CNTN5: variants seen among roughly 807,000 people sequenced by gnomAD.
The protein encoded by CNTN5 is contactin 5, also known as contactin-5.
Under a neutral mutation model 129.1 loss-of-function variants are expected in CNTN5, and 77 were observed. The ratio of observed to expected loss-of-function variants is 0.60; its 90% CI spans 0.50 to 0.72. The LOEUF is 0.72. Ranked by LOEUF, CNTN5 falls within the 30% of genes least tolerant of loss-of-function variation. The probability of loss-of-function intolerance (pLI) is 0.00; values close to 1 mark genes in which losing one functional copy is unlikely to be tolerated. For synonymous variants in CNTN5, 509 were observed against 465.6 expected (o/e 1.09, Z -1.20); for missense variants, 1,478 against 1,328.8 (o/e 1.11, Z -1.75).
intron 1 of CNTN5, among the ~76,000 whole-genome samples, chr11:99,023,441 G>C (rs1301862878): frequency 6.6e-6 from 1 of 152,166 alleles, no homozygotes; most frequent in African/African-American, 2.4e-5. Context: ...TGGACCAGAG[G>C]GTGCCAGTAA....
chr11:99,833,532 G>A (rs1947210987), intron 4 of CNTN5, among the ~76,000 whole-genome samples: 1 of 152,174 alleles, frequency 6.6e-6, no homozygotes, highest in South Asian at 2.1e-4. Flanking sequence ...AGACTAATGT[G>A]AGTGTTCTGA....
At chr11:99,315,017 T>A (rs1043895618) in intron 1 of CNTN5, among the ~76,000 whole-genome samples, 4 of 148,986 alleles carry the variant, frequency 2.7e-5, no homozygotes, top group African/African-American at 9.8e-5. Flanking sequence ...AATGCTGATG[T>A]TGCTGTTCTT....
intron 15 of CNTN5, among the ~76,000 whole-genome samples, chr11:100,215,089 C>A (rs1240142469): frequency 6.6e-6 from 1 of 152,176 alleles, no homozygotes; most frequent in East Asian, 1.9e-4. Context: ...TATAGCTGGG[C>A]TAGAATGGTT....
intron 4 of CNTN5, 54 bp from the exon 5 acceptor site, chr11:99,844,797 CA>C: frequency 6.5e-7 from 1 of 1,534,862 alleles, no homozygotes; most frequent in Non-Finnish European, 8.8e-7. Flanking sequence ...GAAAAAAACA[CA>C]AAATATCTTG....
intron 9 of CNTN5, among the ~76,000 whole-genome samples, chr11:100,026,555 C>T (rs1043576412): frequency 7.9e-5 from 12 of 152,164 alleles, no homozygotes; most frequent in Admixed American, 5.9e-4. Context: ...TTGGTGTTGT[C>T]CATGTTCTGA....
intron 4 of CNTN5, among the ~76,000 whole-genome samples, chr11:99,833,059 G>A (rs1187406415): frequency 6.6e-6 from 1 of 152,128 alleles, no homozygotes; most frequent in Admixed American, 6.6e-5. Context: ...ATAATGTTGG[G>A]TCATGATCCA....
At chr11:100,346,721 A>G (rs540059092) in intron 23 of CNTN5, among the ~76,000 whole-genome samples, 2 of 152,236 alleles carry the variant, frequency 1.3e-5, no homozygotes, top group South Asian at 2.1e-4. Context: ...TAGGGCAAAT[A>G]GAAGGAAATC....
intron 3 of CNTN5, among the ~76,000 whole-genome samples, chr11:99,722,984 G>C (rs7942290): frequency 0.62 from 94,691 of 151,754 alleles, 30,216 homozygotes; most frequent in East Asian, 0.84. Flanking sequence ...AGTTAAACCA[G>C]TTTCCAACAA....
intron 1 of CNTN5, among the ~76,000 whole-genome samples, chr11:99,058,920 A>T (rs919509801): frequency 4.0e-5 from 6 of 149,220 alleles, no homozygotes; most frequent in African/African-American, 1.5e-4. Flanking sequence ...GCAGTTATAT[A>T]TATTATATAA....
At chr11:99,260,886 A>T (rs2135822760) in intron 1 of CNTN5, among the ~76,000 whole-genome samples, 1 of 152,076 alleles carries the variant, frequency 6.6e-6, no homozygotes, top group South Asian at 2.1e-4. Flanking sequence ...GTATAACATC[A>T]CTGATGGGAA....
chr11:100,128,116 T>A (rs527543213), intron 13 of CNTN5, among the ~76,000 whole-genome samples: 5 of 152,262 alleles, frequency 3.3e-5, no homozygotes, highest in African/African-American at 1.2e-4. Flanking sequence ...TATCTCCTCT[T>A]AGCCCCAAAC....
intron 17 of CNTN5, among the ~76,000 whole-genome samples, chr11:100,262,298 TG>T (rs1290743992): frequency 6.6e-6 from 1 of 152,164 alleles, no homozygotes; most frequent in African/African-American, 2.4e-5. Flanking sequence ...CAACAGATGC[TG>T]GAGAGGATGT....
chr11:99,538,461 T>C (rs1478354750), intron 2 of CNTN5, among the ~76,000 whole-genome samples: 8 of 152,156 alleles, frequency 5.3e-5, no homozygotes, highest in Non-Finnish European at 1.2e-4. Context: ...TCTAAAACTG[T>C]AGGCTTAAAC....
chr11:100,000,354 C>G (rs1939780044), intron 8 of CNTN5, among the ~76,000 whole-genome samples: 1 of 152,128 alleles, frequency 6.6e-6, no homozygotes, highest in Admixed American at 6.5e-5. Context: ...GCCACATGCA[C>G]ATACAAAACC....
chr11:99,660,523 C>A (rs554307244), intron 3 of CNTN5, among the ~76,000 whole-genome samples: 45 of 151,932 alleles, frequency 3.0e-4, no homozygotes, highest in Non-Finnish European at 5.6e-4. Flanking sequence ...ATAAAACTGA[C>A]AAATTATTTT....
chr11:100,158,877 A>T (rs149963974), intron 13 of CNTN5, among the ~76,000 whole-genome samples: 1 of 151,940 alleles, frequency 6.6e-6, no homozygotes, highest in African/African-American at 2.4e-5. Context: ...CAATGTTCAT[A>T]GCAGCACTGT....
At chr11:99,157,062 G>A (rs1860371870) in intron 1 of CNTN5, among the ~76,000 whole-genome samples, 1 of 151,840 alleles carries the variant, frequency 6.6e-6, no homozygotes, top group African/African-American at 2.4e-5. Flanking sequence ...TTTAAAGATT[G>A]AATAATATTT....
chr11:100,056,175 T>C (rs1398576105), intron 9 of CNTN5, among the ~76,000 whole-genome samples: 1 of 151,746 alleles, frequency 6.6e-6, no homozygotes, highest in African/African-American at 2.4e-5. Context: ...TCCTTGATCA[T>C]TTTTAACCCA....
intron 2 of CNTN5, among the ~76,000 whole-genome samples, chr11:99,348,853 T>G (rs1474927054): frequency 2.0e-5 from 3 of 152,218 alleles, no homozygotes; most frequent in Non-Finnish European, 4.4e-5. Flanking sequence ...TGTCACCCAG[T>G]GGTGCCTAAG....
Sources: allele counts gnomAD v4.1 joint callset (sites outside exome capture counted in the v4.1 genomes callset), GRCh38; gene constraint gnomAD v4.1.1; transcripts MANE v1.5; gene names NCBI Gene and HGNC (gene_info 2026-07-23, HGNC 2026-07-21).